ADGRV1: variants seen among roughly 807,000 people sequenced by gnomAD.
ADGRV1 encodes adhesion G protein-coupled receptor V1, also known as G-protein coupled receptor 98.
In ADGRV1, 359 loss-of-function variants were observed where a neutral mutation model predicts 596.2. The ratio of observed to expected loss-of-function variants is 0.60; its 90% CI spans 0.55 to 0.66. The LOEUF is 0.66. Ranked by LOEUF, ADGRV1 falls within the 30% of genes least tolerant of loss-of-function variation. The probability of loss-of-function intolerance (pLI) is 0.00; values close to 1 mark genes in which losing one functional copy is unlikely to be tolerated. For synonymous variants in ADGRV1, 2,681 were observed against 2,679.2 expected (o/e 1.00, Z -0.02); for missense variants, 7,274 against 7,575.6 (o/e 0.96, Z 1.48).
At chr5:90,822,254 A>G (rs961420845) in intron 75 of ADGRV1, 2 of 153,760 alleles carry the variant, frequency 1.3e-5, no homozygotes, top group Admixed American at 6.5e-5. Context: ...AAGTGAGGCA[A>G]TGCCTCGCCC....
At chr5:90,663,662 G>C (rs1374697249) in intron 21 of ADGRV1, among the ~76,000 whole-genome samples, 1 of 152,156 alleles carries the variant, frequency 6.6e-6, no homozygotes, top group African/African-American at 2.4e-5. Context: ...ATTGCTTTTG[G>C]TGTTTTAGAC....
intron 19 of ADGRV1, among the ~76,000 whole-genome samples, chr5:90,652,932 C>T (rs1301677298): frequency 2.0e-5 from 3 of 152,170 alleles, no homozygotes; most frequent in Non-Finnish European, 4.4e-5. Context: ...TCAATTTTCG[C>T]ATCACTTTTG....
At chr5:90,867,575 G>C (rs1768250571) in intron 83 of ADGRV1, among the ~76,000 whole-genome samples, 1 of 152,124 alleles carries the variant, frequency 6.6e-6, no homozygotes, top group Non-Finnish European at 1.5e-5. Context: ...TGAGTACCTA[G>C]CATCTTTGGG....
At chr5:90,610,061 TGA>T (rs1762554673) in intron 1 of ADGRV1, among the ~76,000 whole-genome samples, 1 of 151,992 alleles carries the variant, frequency 6.6e-6, no homozygotes, top group African/African-American at 2.4e-5. Context: ...ATATAGTTAT[TGA>T]GACATAGAAA....
At chr5:90,764,409 A>T (rs1157057338) in intron 59 of ADGRV1, among the ~76,000 whole-genome samples, 1 of 152,164 alleles carries the variant, frequency 6.6e-6, no homozygotes, top group Non-Finnish European at 1.5e-5. Flanking sequence ...TTCAGCAGGG[A>T]TTGAGCCACT....
chr5:91,151,683 T>A (rs912650458), intron 88 of ADGRV1, among the ~76,000 whole-genome samples: 2 of 152,228 alleles, frequency 1.3e-5, no homozygotes, highest in Non-Finnish European at 2.9e-5. Flanking sequence ...ATTAGCTGCA[T>A]GTGGCTATTT....
At chr5:91,088,707 T>A (rs1790108358) in intron 86 of ADGRV1, among the ~76,000 whole-genome samples, 3 of 152,146 alleles carry the variant, frequency 2.0e-5, no homozygotes, top group African/African-American at 7.2e-5. Context: ...CTACCATATA[T>A]TTGCTAATAA....
chr5:90,787,316 A>G (rs1213292210), intron 67 of ADGRV1, among the ~76,000 whole-genome samples: 4 of 152,218 alleles, frequency 2.6e-5, no homozygotes, highest in African/African-American at 9.6e-5. Flanking sequence ...TGTCTTTTAC[A>G]CTAGGAATAT....
intron 45 of ADGRV1, among the ~76,000 whole-genome samples, chr5:90,722,359 T>C (rs374145590): frequency 4.8e-4 from 73 of 151,672 alleles, no homozygotes; most frequent in African/African-American, 1.7e-3. Context: ...ATAAATGTGG[T>C]TTAACACATT....
At chr5:90,829,317 C>A in intron 77 of ADGRV1, 131 bp downstream of exon 77, 1 of 803,576 alleles carries the variant, frequency 1.2e-6, no homozygotes, top group Non-Finnish European at 1.8e-6. Context: ...TTATTCATTA[C>A]ATTAAGCTTT....
At position 90,887,327 on chromosome 5, in the gene ADGRV1, C is replaced by T. The variant is rs190872354; in HGVS notation, c.17856+23470C>T. 2.9e-3 allele frequency among the ~76,000 whole-genome samples: 438 copies of T among 152,170 alleles called. 2 individuals are homozygous for T. Among genetic ancestry groups the T allele is most frequent in the African/African-American group, 9.7e-3 (403 of 41,520 alleles). ...TCACTTCAAGGATCAGGTTAAATGTCGCCTTTTATGGAGGGCTTCATCACT... is the reference window on the plus strand; with the variant it reads ...TCACTTCAAGGATCAGGTTAAATGTTGCCTTTTATGGAGGGCTTCATCACT... On this transcript the variant is annotated intron_variant, in intron 83 of 89. Transcript: ENST00000405460.
At position 90,897,733 on chromosome 5, in the gene ADGRV1, C is replaced by G. The variant is rs189562351; in HGVS notation, c.17856+33876C>G. On this transcript the variant is annotated intron_variant, in intron 83 of 89. Coordinates refer to ENST00000405460, the MANE Select transcript of ADGRV1 (RefSeq NM_032119.4). Reference sequence around the variant, plus strand: ...GAGGGCTATCGTTTTGCCTAGGAGGCCTTCTTTGGCTTGGGTTAGCTATGA... The same window carrying G: ...GAGGGCTATCGTTTTGCCTAGGAGGGCTTCTTTGGCTTGGGTTAGCTATGA... 1.8e-3 allele frequency among the ~76,000 whole-genome samples: 277 copies of G among 152,272 alleles called. 2 individuals are homozygous for G. Among genetic ancestry groups the G allele is most frequent in the African/African-American group, 5.3e-3 (222 of 41,576 alleles).
chr5:90,675,185 A>C (rs1488542664), intron 23 of ADGRV1, 58 bp from the exon 24 acceptor site: 1 of 1,429,634 alleles, frequency 7.0e-7, no homozygotes, highest in Non-Finnish European at 9.6e-7. Context: ...CTTTAATTGA[A>C]TAAGAAATTC....
intron 50 of ADGRV1, among the ~76,000 whole-genome samples, chr5:90,739,648 A>G (rs1179478149): frequency 1.3e-5 from 2 of 152,186 alleles, no homozygotes; most frequent in African/African-American, 2.4e-5. Context: ...GCCTGGGCGT[A>G]GTAATTGCCT....
intron 3 of ADGRV1, 43 bp downstream of exon 3, chr5:90,617,996 T>A (rs1368317319): frequency 7.1e-7 from 1 of 1,410,142 alleles, no homozygotes. Flanking sequence ...AAGGAGGACT[T>A]ATAAAACTTA....
intron 83 of ADGRV1, among the ~76,000 whole-genome samples, chr5:90,874,122 C>A (rs964077526): frequency 1.3e-5 from 2 of 152,178 alleles, no homozygotes; most frequent in African/African-American, 4.8e-5. Flanking sequence ...CCCTCAGGAT[C>A]AGTCTCTGCC....
At chr5:90,927,430 T>C (rs962960113) in intron 83 of ADGRV1, among the ~76,000 whole-genome samples, 5 of 152,212 alleles carry the variant, frequency 3.3e-5, no homozygotes, top group African/African-American at 4.8e-5. Context: ...GTTTAAAGTC[T>C]GTTTTATCAG....
At chr5:90,581,130 G>T (rs1404862764) in intron 1 of ADGRV1, among the ~76,000 whole-genome samples, 1 of 152,120 alleles carries the variant, frequency 6.6e-6, no homozygotes, top group East Asian at 1.9e-4. Context: ...CCTCTACACT[G>T]TTTATTCTAG....
chr5:91,017,401 G>A (rs1024779557), intron 85 of ADGRV1, among the ~76,000 whole-genome samples: 1 of 151,850 alleles, frequency 6.6e-6, no homozygotes, highest in Admixed American at 6.6e-5. Flanking sequence ...ATCTGTGGGG[G>A]TCTATGAAAT....
Sources: gnomAD v4.1 joint callset for allele counts (sites outside exome capture counted in the v4.1 genomes callset) on GRCh38, gnomAD v4.1.1 for gene constraint, MANE v1.5 for transcripts, NCBI Gene and HGNC (gene_info 2026-07-23, HGNC 2026-07-21) for gene names.